PALM2AKAP2: variants seen among roughly 807,000 people sequenced by gnomAD.
PALM2AKAP2 encodes the protein PALM2-AKAP2 fusion protein.
PALM2AKAP2 carries 37 observed loss-of-function variants against 71.5 expected under a neutral mutation model. That is an observed-to-expected ratio of 0.52 (90% CI 0.40 to 0.68). PALM2AKAP2 has a LOEUF of 0.68. Ranked by LOEUF, PALM2AKAP2 falls within the 30% of genes least tolerant of loss-of-function variation. The pLI, the probability that PALM2AKAP2 is intolerant of heterozygous loss-of-function variation, is 0.00. For synonymous variants in PALM2AKAP2, 468 were observed against 478.8 expected, an observed-to-expected ratio of 0.98 and a Z score of 0.29; for missense variants, 1,224 against 1,191.8, an observed-to-expected ratio of 1.03 and a Z score of -0.40.
chr9:109,702,598 TG>T (rs1051964645), intron 1 of PALM2AKAP2, among the ~76,000 whole-genome samples: 1 of 69,352 alleles, frequency 1.4e-5, no homozygotes, highest in African/African-American at 5.5e-5. Context: ...GTTGTGGGGG[TG>T]GGGGTAGGGG....
chr9:109,716,043 TGTGA>T (rs1828315064), intron 1 of PALM2AKAP2, among the ~76,000 whole-genome samples: 1 of 152,218 alleles, frequency 6.6e-6, no homozygotes, highest in African/African-American at 2.4e-5. Flanking sequence ...TGTTTTCCTA[TGTGA>T]GTGATTCTTA....
chr9:110,063,623 T>C lies in PALM2AKAP2; in HGVS notation c.156+14768T>C, dbSNP rs560058311. On this transcript the variant is annotated intron_variant, in intron 1 of 3. Coordinates refer to ENST00000374525, the Ensembl canonical transcript of PALM2AKAP2. ...CCCAGCTAATTTTTTTTTGTATTTT[T>C]AGTAGAGACAAAATTTCACCACGTT... Among the ~76,000 whole-genome samples the C allele has an allele frequency of 9.1e-4, 139 of 152,138 alleles. 1 individual carries two copies. The highest frequency in any genetic ancestry group is 3.2e-3 in the African/African-American group (132 of 41,488).
chr9:110,038,393 C>A (rs576093650), intron 7 of PALM2AKAP2, among the ~76,000 whole-genome samples: 10 of 151,886 alleles, frequency 6.6e-5, no homozygotes, highest in Admixed American at 2.6e-4. Context: ...TGAGGAGAAT[C>A]AAGAAACAGT....
chr9:110,156,377 G>A (rs763499704), exon 3 of PALM2AKAP2: 3 of 1,611,198 alleles, frequency 1.9e-6, no homozygotes. Context: ...CCAGCTTGCA[G>A]CCTGACTTAG....
intron 1 of PALM2AKAP2, among the ~76,000 whole-genome samples, chr9:109,663,489 G>T (rs1827432614): frequency 6.6e-6 from 1 of 152,190 alleles, no homozygotes; most frequent in Non-Finnish European, 1.5e-5. Flanking sequence ...CCATGTAGTT[G>T]TGTGGTTTTG....
chr9:109,954,911 C>T (rs1564231954), intron 6 of PALM2AKAP2, among the ~76,000 whole-genome samples: 1 of 152,078 alleles, frequency 6.6e-6, no homozygotes, highest in Non-Finnish European at 1.5e-5. Flanking sequence ...GCCTGTTCTC[C>T]CCACTGGCAA....
chr9:109,721,062 T>G (rs999524207), intron 1 of PALM2AKAP2, among the ~76,000 whole-genome samples: 2 of 152,220 alleles, frequency 1.3e-5, no homozygotes, highest in African/African-American at 4.8e-5. Context: ...AAAGGATTGC[T>G]TGTCATCACA....
intron 1 of PALM2AKAP2, among the ~76,000 whole-genome samples, chr9:109,670,438 A>C (rs958973614): frequency 1.3e-5 from 2 of 152,146 alleles, no homozygotes; most frequent in African/African-American, 4.8e-5. Context: ...GTCCCTGCAA[A>C]TGACATGATC....
chr9:109,884,558 G>T (rs958578909), intron 3 of PALM2AKAP2, among the ~76,000 whole-genome samples: 2 of 152,146 alleles, frequency 1.3e-5, no homozygotes, highest in Admixed American at 6.5e-5. Context: ...GTGACTTCAA[G>T]ATCAAATTTG....
chr9:109,665,985 A>C (rs1827477340), intron 1 of PALM2AKAP2, among the ~76,000 whole-genome samples: 1 of 152,202 alleles, frequency 6.6e-6, no homozygotes, highest in Non-Finnish European at 1.5e-5. Context: ...TGGGTGTGGG[A>C]GGTGCACAGC....
chr9:109,926,226 A>T (rs1830953295), intron 5 of PALM2AKAP2, among the ~76,000 whole-genome samples: 1 of 152,228 alleles, frequency 6.6e-6, no homozygotes, highest in Admixed American at 6.5e-5. Flanking sequence ...TGCATGAAGG[A>T]TAGTTCTGAC....
chr9:109,811,347 C>T (rs1827720897), intron 1 of PALM2AKAP2, among the ~76,000 whole-genome samples: 1 of 152,006 alleles, frequency 6.6e-6, no homozygotes, highest in East Asian at 1.9e-4. Context: ...AATCTGAAAG[C>T]TGGTCAGAGA....
At chr9:110,037,957 A>T (rs1450912831) in intron 7 of PALM2AKAP2, among the ~76,000 whole-genome samples, 1 of 152,146 alleles carries the variant, frequency 6.6e-6, no homozygotes, top group Admixed American at 6.5e-5. Context: ...GGCCTGAGGG[A>T]TAGAAGGGAT....
chr9:109,788,914 G>T (rs1229149905), intron 1 of PALM2AKAP2, among the ~76,000 whole-genome samples: 1 of 152,178 alleles, frequency 6.6e-6, no homozygotes, highest in African/African-American at 2.4e-5. Flanking sequence ...ACTCCAGACT[G>T]GGCAAGAGTG....
At chr9:109,686,982 C>T (rs1479629462) in intron 1 of PALM2AKAP2, among the ~76,000 whole-genome samples, 1 of 152,112 alleles carries the variant, frequency 6.6e-6, no homozygotes, top group Non-Finnish European at 1.5e-5. Flanking sequence ...CCAGCTTCAT[C>T]CATGTCCCTA....
intron 1 of PALM2AKAP2, among the ~76,000 whole-genome samples, chr9:110,063,168 TC>T (rs1834001261): frequency 6.6e-6 from 1 of 152,000 alleles, no homozygotes; most frequent in Admixed American, 6.6e-5. Context: ...AAATTTGGAA[TC>T]CTCAAAATCA....
At chr9:109,710,515 C>T (rs925816862) in intron 1 of PALM2AKAP2, among the ~76,000 whole-genome samples, 1 of 152,110 alleles carries the variant, frequency 6.6e-6, no homozygotes, top group Non-Finnish European at 1.5e-5. Context: ...CTGACACTGT[C>T]GCAAGTTAGT....
At chr9:110,101,075 C>CCTTGAGAGCTTCTAGGATTTGAAGCT (rs1834986628) in intron 1 of PALM2AKAP2, among the ~76,000 whole-genome samples, 1 of 152,044 alleles carries the variant, frequency 6.6e-6, no homozygotes, top group Non-Finnish European at 1.5e-5. Flanking sequence ...GATTTGAAGC[C>CCTTGAGAGCTTCTAGGATTTGAAGCT]CTTGAGAGCT....
chr9:109,650,388 C>A (rs1241426965), intron 1 of PALM2AKAP2, among the ~76,000 whole-genome samples: 3 of 138,596 alleles, frequency 2.2e-5, no homozygotes, highest in African/African-American at 7.5e-5. Flanking sequence ...TAGCTCTTTG[C>A]TAGTTTCATA....
Sources: allele counts gnomAD v4.1 joint callset (sites outside exome capture counted in the v4.1 genomes callset), GRCh38; gene constraint gnomAD v4.1.1; transcripts MANE v1.5; gene names NCBI Gene and HGNC (gene_info 2026-07-23, HGNC 2026-07-21).